Variants in CADM2 observed in about 807,000 individuals in gnomAD.
CADM2 encodes the protein cell adhesion molecule 2.
CADM2 carries 12 observed loss-of-function variants against 49.8 expected under a neutral mutation model. The observed-to-expected ratio is 0.24, with a 90% CI of 0.15 to 0.39. CADM2 has a LOEUF of 0.39. CADM2 is among the 10% of genes least tolerant of loss of function. The pLI, the probability that CADM2 is intolerant of heterozygous loss-of-function variation, is 1.00. For synonymous variants in CADM2, 214 were observed against 175.4 expected, an observed-to-expected ratio of 1.22 and a Z score of -1.74; for missense variants, 378 against 492.3, an observed-to-expected ratio of 0.77 and a Z score of 2.20.
chr3:85,134,996 CATA>C (rs539251204), intron 1 of CADM2, among the ~76,000 whole-genome samples: 157 of 151,728 alleles, frequency 1.0e-3, no homozygotes, highest in African/African-American at 1.5e-3. Context: ...TAATGTAATT[CATA>C]ATAAGTATTT....
chr3:86,018,417 G>A (rs75199683), intron 8 of CADM2, among the ~76,000 whole-genome samples: 1 of 150,696 alleles, frequency 6.6e-6, no homozygotes, highest in African/African-American at 2.5e-5. Context: ...TGGGTCAAAT[G>A]GTATTTCCAG....
intron 3 of CADM2, among the ~76,000 whole-genome samples, chr3:85,871,232 A>G (rs1339076344): frequency 2.6e-5 from 4 of 152,252 alleles, no homozygotes; most frequent in African/African-American, 9.6e-5. Flanking sequence ...ATGAACAGAC[A>G]GTTTTCAAAA....
At chr3:85,644,594 T>C (rs2064829835) in intron 1 of CADM2, among the ~76,000 whole-genome samples, 1 of 152,062 alleles carries the variant, frequency 6.6e-6, no homozygotes. Flanking sequence ...ACCAAAAGTG[T>C]CCCCAGCACT....
At chr3:85,594,331 C>T (rs546357715) in intron 1 of CADM2, among the ~76,000 whole-genome samples, 2 of 151,776 alleles carry the variant, frequency 1.3e-5, no homozygotes, top group African/African-American at 4.8e-5. Flanking sequence ...ATTCCCTAGT[C>T]TTAATTAACT....
chr3:85,945,456 C>G (rs1722549451), intron 7 of CADM2, among the ~76,000 whole-genome samples: 2 of 152,048 alleles, frequency 1.3e-5, no homozygotes, highest in Non-Finnish European at 2.9e-5. Flanking sequence ...GATACCAAAG[C>G]CGGGCAGAGA....
intron 1 of CADM2, among the ~76,000 whole-genome samples, chr3:85,062,094 A>G (rs2036351202): frequency 6.6e-6 from 1 of 150,664 alleles, no homozygotes; most frequent in African/African-American, 2.4e-5. Context: ...ACACGCACAC[A>G]CACACACACA....
At chr3:85,307,341 G>A (rs957170494) in intron 1 of CADM2, among the ~76,000 whole-genome samples, 1 of 151,488 alleles carries the variant, frequency 6.6e-6, no homozygotes, top group African/African-American at 2.4e-5. Flanking sequence ...AAATATCAAA[G>A]AGCTGTTATA....
intron 1 of CADM2, among the ~76,000 whole-genome samples, chr3:85,349,615 G>A (rs1270238398): frequency 6.6e-6 from 1 of 152,076 alleles, no homozygotes; most frequent in East Asian, 1.9e-4. Flanking sequence ...TTTACTAACA[G>A]AAGTTAATTT....
chr3:85,818,803 A>T (rs1469321708), intron 3 of CADM2, among the ~76,000 whole-genome samples: 1 of 152,018 alleles, frequency 6.6e-6, no homozygotes, highest in Non-Finnish European at 1.5e-5. Context: ...CTAAGGTGTG[A>T]CATCATGATG....
intron 1 of CADM2, among the ~76,000 whole-genome samples, chr3:85,024,019 T>G (rs6791363): frequency 6.6e-6 from 1 of 151,878 alleles, no homozygotes; most frequent in Non-Finnish European, 1.5e-5. Context: ...TTAGATATTG[T>G]GGGGGCTAAA....
chr3:86,049,287 T>A (rs902632589), intron 8 of CADM2, among the ~76,000 whole-genome samples: 3 of 151,300 alleles, frequency 2.0e-5, no homozygotes, highest in Non-Finnish European at 2.9e-5. Context: ...TTTTATTTTT[T>A]TTTTTGAGAC....
intron 1 of CADM2, among the ~76,000 whole-genome samples, chr3:85,331,165 G>T (rs954075972): frequency 1.3e-5 from 2 of 151,648 alleles, no homozygotes; most frequent in Non-Finnish European, 2.9e-5. Context: ...TTTAAAATAT[G>T]CCATAAAATT....
intron 5 of CADM2, among the ~76,000 whole-genome samples, chr3:85,911,141 G>A (rs1296513337): frequency 6.6e-6 from 1 of 152,002 alleles, no homozygotes; most frequent in Non-Finnish European, 1.5e-5. Context: ...GATACTGAAT[G>A]ATGTAAAAAA....
intron 8 of CADM2, among the ~76,000 whole-genome samples, chr3:85,998,437 A>G (rs932754090): frequency 2.0e-5 from 3 of 152,158 alleles, no homozygotes; most frequent in Admixed American, 2.0e-4. Context: ...ACAAAGAGGA[A>G]TTGGATATGC....
intron 2 of CADM2, among the ~76,000 whole-genome samples, chr3:85,781,419 C>A (rs1559652589): frequency 6.6e-6 from 1 of 152,116 alleles, no homozygotes; most frequent in Non-Finnish European, 1.5e-5. Context: ...CACCCTATTT[C>A]TGATTGTCTA....
intron 1 of CADM2, among the ~76,000 whole-genome samples, chr3:85,477,665 T>G (rs1221712401): frequency 6.6e-6 from 1 of 151,908 alleles, no homozygotes; most frequent in Non-Finnish European, 1.5e-5. Context: ...ACATTTTTCT[T>G]TGGGGTCTGT....
intron 3 of CADM2, chr3:85,828,123 G>A (rs1422609445): frequency 6.6e-6 from 1 of 151,896 alleles, no homozygotes; most frequent in Non-Finnish European, 1.5e-5. Flanking sequence ...GCAAGAAGAG[G>A]AAAATTGAGG....
intron 1 of CADM2, among the ~76,000 whole-genome samples, chr3:85,187,726 A>C (rs1028426368): frequency 6.6e-6 from 1 of 151,894 alleles, no homozygotes; most frequent in African/African-American, 2.4e-5. Context: ...ATAAATAGAA[A>C]CTCTTGTCTT....
chr3:85,059,318 T>C (rs1004140393), intron 1 of CADM2, among the ~76,000 whole-genome samples: 4 of 144,354 alleles, frequency 2.8e-5, no homozygotes, highest in Non-Finnish European at 4.6e-5. Context: ...AATAAAAAAA[T>C]AAAAAAAAAA....
Sources: gnomAD v4.1 joint callset for allele counts (sites outside exome capture counted in the v4.1 genomes callset) on GRCh38, gnomAD v4.1.1 for gene constraint, MANE v1.5 for transcripts, NCBI Gene and HGNC (gene_info 2026-07-23, HGNC 2026-07-21) for gene names.